The following SFMBT2 variants were observed in gnomAD, a reference collection of about 807,000 sequenced individuals.
The protein encoded by SFMBT2 is scm-like with four MBT domains protein 2.
Under a neutral mutation model 110.1 loss-of-function variants are expected in SFMBT2, and 38 were observed. The observed-to-expected ratio is 0.35, with a 90% confidence interval of 0.27 to 0.45. The LOEUF (loss-of-function observed/expected upper bound fraction) is 0.45, where lower values mean the gene tolerates loss of function less well. Among genes scored for constraint, SFMBT2 ranks in the 20% least tolerant of loss-of-function variants. The probability of loss-of-function intolerance (pLI) is 1.00; values close to 1 mark genes in which losing one functional copy is unlikely to be tolerated. For synonymous variants in SFMBT2, 425 were observed against 425.4 expected, an observed-to-expected ratio of 1.00 and a Z score of 0.01; for missense variants, 1,011 against 1,094.9, an observed-to-expected ratio of 0.92 and a Z score of 1.08.
intron 1 of SFMBT2, among the ~76,000 whole-genome samples, chr10:7,400,851 G>A (rs1422686791): frequency 1.3e-5 from 2 of 152,128 alleles, no homozygotes; most frequent in African/African-American, 2.4e-5. Flanking sequence ...CATCCCCCCC[G>A]GCCAGGCGCG....
intron 4 of SFMBT2, among the ~76,000 whole-genome samples, chr10:7,309,424 G>A (rs1428198152): frequency 2.0e-5 from 3 of 152,214 alleles, no homozygotes; most frequent in East Asian, 1.9e-4. Context: ...CGTGAAAAGT[G>A]AAGCTGTGCT....
At position 7,275,378 on chromosome 10, in the gene SFMBT2, G is replaced by A. The variant is rs4748800; in HGVS notation, c.870+1514C>T. Among the ~76,000 whole-genome samples the A allele has an allele frequency of 2.6e-5, 4 of 152,144 alleles. No homozygotes were observed. The East Asian group carries it at 7.7e-4, about 29-fold the overall frequency. On this transcript the variant is annotated intron_variant, in intron 7 of 20. Coordinates refer to ENST00000397167, the MANE Select transcript of SFMBT2 (RefSeq NM_001387889.1). ...GGGCAGGGGAGACGAGGACAGGCTGGCTCTGGTGGGGGTGGCAGAGCTGAG... is the reference window on the plus strand; with the variant it reads ...GGGCAGGGGAGACGAGGACAGGCTGACTCTGGTGGGGGTGGCAGAGCTGAG...
chr10:7,295,924 A>G (rs528300768), intron 4 of SFMBT2, among the ~76,000 whole-genome samples: 1 of 152,354 alleles, frequency 6.6e-6, no homozygotes, highest in African/African-American at 2.4e-5. Context: ...AAAAGACCTA[A>G]CGCTTTCTCT....
At chr10:7,221,183 C>T (rs1178369762) in intron 10 of SFMBT2, among the ~76,000 whole-genome samples, 1 of 152,106 alleles carries the variant, frequency 6.6e-6, no homozygotes, top group Non-Finnish European at 1.5e-5. Flanking sequence ...CCTTCCTATA[C>T]CCATTGATAA....
At chr10:7,207,015 TAGG>T in intron 11 of SFMBT2, 1 of 672,814 alleles carries the variant, frequency 1.5e-6, no homozygotes, top group Non-Finnish European at 1.8e-6. Context: ...TGCTTGAGCC[TAGG>T]AGTTCAAGAT....
At chr10:7,264,937 GAA>G (rs35999336) in intron 7 of SFMBT2, among the ~76,000 whole-genome samples, 165 of 95,212 alleles carry the variant, frequency 1.7e-3, no homozygotes, top group Middle Eastern at 6.9e-3. Flanking sequence ...TAAAAAAGAG[GAA>G]AAAAAAAAAA....
chr10:7,357,877 T>C (rs1414089570), intron 4 of SFMBT2, among the ~76,000 whole-genome samples: 3 of 152,224 alleles, frequency 2.0e-5, no homozygotes, highest in African/African-American at 7.2e-5. Context: ...GCACGACCGT[T>C]GGTATGGCTC....
chr10:7,404,186 C>T (rs1846153516), intron 1 of SFMBT2, among the ~76,000 whole-genome samples: 1 of 152,148 alleles, frequency 6.6e-6, no homozygotes, highest in Admixed American at 6.6e-5. Context: ...ATTCACAATC[C>T]TTTCACTGCT....
intron 1 of SFMBT2, among the ~76,000 whole-genome samples, chr10:7,404,607 T>G (rs1846164527): frequency 6.6e-6 from 1 of 152,218 alleles, no homozygotes; most frequent in African/African-American, 2.4e-5. Flanking sequence ...AATGTGTCAT[T>G]TTTGCTTTTC....
At chr10:7,252,381 T>C (rs1840839549) in intron 7 of SFMBT2, among the ~76,000 whole-genome samples, 1 of 152,172 alleles carries the variant, frequency 6.6e-6, no homozygotes, top group Non-Finnish European at 1.5e-5. Flanking sequence ...GCGGACTGTA[T>C]TGGAAATGCT....
intron 4 of SFMBT2, among the ~76,000 whole-genome samples, chr10:7,288,862 C>CCCT (rs1554798915): frequency 6.6e-5 from 10 of 151,298 alleles, no homozygotes; most frequent in African/African-American, 2.2e-4. Flanking sequence ...AACCCCCCCC[C>CCCT]CCATCTCCAC....
intron 4 of SFMBT2, among the ~76,000 whole-genome samples, chr10:7,294,013 G>A (rs960866897): frequency 9.9e-5 from 15 of 152,174 alleles, no homozygotes; most frequent in African/African-American, 3.1e-4. Flanking sequence ...TAGGAGGTAC[G>A]TCCCAAAGGG....
chr10:7,170,890 C>T lies in SFMBT2; in HGVS notation c.2544+38G>A. On this transcript the variant is annotated intron_variant, in intron 20 of 20. Coordinates refer to ENST00000397167, the MANE Select transcript of SFMBT2 (RefSeq NM_001387889.1). This position sits in a 1 kb window ranked among gnomAD's most constrained non-coding sequence, Gnocchi z 4.6. Reference sequence around the variant, plus strand: ...GAGGTTCATTTCAGATGCAGAGTCTCAGCACATCAAACAATCGACACGCGG... The same window carrying T: ...GAGGTTCATTTCAGATGCAGAGTCTTAGCACATCAAACAATCGACACGCGG... 6.2e-7 allele frequency: 1 copy of T among 1,613,528 alleles called. No homozygotes were observed. Among genetic ancestry groups the T allele is most frequent in the Non-Finnish European group, 8.5e-7 (1 of 1,179,660 alleles).
chr10:7,198,264 T>C, intron 14 of SFMBT2: 4 of 442,858 alleles, frequency 9.0e-6, no homozygotes, highest in Non-Finnish European at 1.2e-5. Flanking sequence ...CTTCTTTGAC[T>C]CTATTGAATT....
rs553467115 is a variant in SFMBT2, at chr10:7,241,266, T to C, written c.1120+2292A>G. The C allele has an allele frequency of 1.8e-5, 16 of 896,796 alleles. No individual in the cohort carries two copies. The East Asian group carries it at 1.9e-3, about 107-fold the overall frequency. The allele number at this position is 896,796 out of a possible 1,614,324, so 55.6% of individuals were successfully genotyped here. ...TATAAATTACCCAGTCTCAGGTATGTCTTTATGAGCAGCATGAGAACAGAC... is the reference window on the plus strand; with the variant it reads ...TATAAATTACCCAGTCTCAGGTATGCCTTTATGAGCAGCATGAGAACAGAC... On this transcript the variant is annotated intron_variant, in intron 9 of 20. Transcript: ENST00000397167.
At chr10:7,186,753 G>A (rs1309787989) in intron 16 of SFMBT2, among the ~76,000 whole-genome samples, 2 of 152,132 alleles carry the variant, frequency 1.3e-5, no homozygotes, top group Non-Finnish European at 2.9e-5. Context: ...AAGTTGTCAA[G>A]ATCTAAAAAG....
chr10:7,284,438 T>C, intron 5 of SFMBT2: 1 of 1,134,112 alleles, frequency 8.8e-7, no homozygotes, highest in South Asian at 3.3e-5. Context: ...CCTTCCCAGA[T>C]AAAATTGCTT....
At position 7,197,613 on chromosome 10, in the gene SFMBT2, T is replaced by G. The variant is rs752933127; in HGVS notation, c.1633A>C (p.Lys545Gln). 4 of 1,614,206 alleles carry G rather than the reference T, an allele frequency of 2.5e-6. No individual in the cohort carries two copies. The highest frequency in any genetic ancestry group is 3.4e-6 in the Non-Finnish European group (4 of 1,180,044). Reference protein sequence around the residue: ...HRCFSGPYLNKGRIAELPQSV... With the variant: ...HRCFSGPYLNQGRIAELPQSV... ...TGAGGTAGCTCTGCAATCCTTCCTTTGTTCAGGTAAGGGCCTGAGAAACAC... is the reference window on the plus strand; with the variant it reads ...TGAGGTAGCTCTGCAATCCTTCCTTGGTTCAGGTAAGGGCCTGAGAAACAC... The change falls in exon 15 of 21, where the codon AAA becomes CAA. Residue 545 changes from lysine to glutamine, a missense_variant. By Grantham distance (53) the Lys-to-Gln change is moderately conservative. Coordinates refer to ENST00000397167, the MANE Select transcript of SFMBT2 (RefSeq NM_001387889.1).
intron 4 of SFMBT2, among the ~76,000 whole-genome samples, chr10:7,353,409 T>A (rs1209317821): frequency 6.6e-6 from 1 of 151,024 alleles, no homozygotes; most frequent in Non-Finnish European, 1.5e-5. Flanking sequence ...AGGAATCCAA[T>A]GACGGAAACA....
Sources: allele counts gnomAD v4.1 joint callset (sites outside exome capture counted in the v4.1 genomes callset), GRCh38; gene constraint gnomAD v4.1.1; non-coding constraint Gnocchi (gnomAD v3.1); transcripts MANE v1.5; gene names NCBI Gene and HGNC (gene_info 2026-07-23, HGNC 2026-07-21).